The following UNC80 variants were observed in gnomAD, a reference collection of about 807,000 sequenced individuals.
UNC80 encodes protein unc-80 homolog.
A neutral mutation model predicts 384.6 loss-of-function variants in UNC80; 164 were observed. The observed-to-expected ratio is 0.43, with a 90% CI of 0.38 to 0.49. The LOEUF (loss-of-function observed/expected upper bound fraction) is 0.49, where lower values mean the gene tolerates loss of function less well. UNC80 is among the 20% of genes least tolerant of loss of function. UNC80 has a pLI of 0.00. For missense variants in UNC80, 3,330 were observed against 4,143.0 expected, an observed-to-expected ratio of 0.80 and a Z score of 5.39; for synonymous variants, 1,486 against 1,527.8, an observed-to-expected ratio of 0.97 and a Z score of 0.64.
At chr2:209,795,262 G>A (rs986602711) in intron 7 of UNC80, 2 of 154,348 alleles carry the variant, frequency 1.3e-5, no homozygotes, top group African/African-American at 4.8e-5. Flanking sequence ...GAACTTGAGA[G>A]AGATGATTTA....
At chr2:209,929,111 G>A (rs1229592797) in intron 36 of UNC80, among the ~76,000 whole-genome samples, 1 of 152,026 alleles carries the variant, frequency 6.6e-6, no homozygotes, top group Non-Finnish European at 1.5e-5. Flanking sequence ...GCTTGTTTCT[G>A]AATCAAAATT....
At chr2:209,944,589 C>T (rs2091820600) in intron 45 of UNC80, among the ~76,000 whole-genome samples, 1 of 152,046 alleles carries the variant, frequency 6.6e-6, no homozygotes, top group African/African-American at 2.4e-5. Flanking sequence ...TTATTTAAAG[C>T]CATTTTAAAT....
chr2:209,928,489 C>T (rs757472410), intron 36 of UNC80, among the ~76,000 whole-genome samples: 1 of 152,002 alleles, frequency 6.6e-6, no homozygotes, highest in African/African-American at 2.4e-5. Context: ...ATGTTTTAAG[C>T]ATGAAACTGC....
At chr2:209,922,483 A>G in intron 35 of UNC80, 100 bp downstream of exon 35, 1 of 1,298,426 alleles carries the variant, frequency 7.7e-7, no homozygotes, top group South Asian at 2.1e-5. Context: ...GTCTTCATTA[A>G]ATAACTTGTC....
At chr2:209,899,282 G>A (rs1173408426) in intron 28 of UNC80, among the ~76,000 whole-genome samples, 4 of 152,152 alleles carry the variant, frequency 2.6e-5, no homozygotes, top group Non-Finnish European at 4.4e-5. Context: ...ACAAAGCAAA[G>A]CGTGGACCCT....
In UNC80 at chr2:209,826,064, TA is replaced by T; in HGVS notation, c.2478+14del. 1 of 1,544,332 alleles carries T rather than the reference TA, an allele frequency of 6.5e-7. No homozygotes were observed. Among genetic ancestry groups the T allele is most frequent in the South Asian group, 1.2e-5 (1 of 82,440 alleles). On this transcript the variant is annotated intron_variant, in intron 14 of 64. Transcript: ENST00000673920. ...GTATTCCGAGAGAATGTAAGAGAAT[TA>T]AAGTAGATTCCATTTCCTCTCCCTC...
At chr2:209,970,706 G>T (rs1322320335) in intron 53 of UNC80, 126 bp from the exon 54 acceptor site, 1 of 1,231,366 alleles carries the variant, frequency 8.1e-7, no homozygotes, top group African/African-American at 1.5e-5. Context: ...AGAAAGAAAA[G>T]ATTGAAAGTA....
At chr2:209,893,935 A>T (rs1207318266) in intron 26 of UNC80, among the ~76,000 whole-genome samples, 2 of 152,178 alleles carry the variant, frequency 1.3e-5, no homozygotes, top group African/African-American at 2.4e-5. Flanking sequence ...GGCCAGAAAG[A>T]GAGCAGGTTG....
chr2:209,914,602 C>G (rs1475746165), intron 31 of UNC80, among the ~76,000 whole-genome samples: 13 of 140,220 alleles, frequency 9.3e-5, no homozygotes, highest in Non-Finnish European at 2.0e-4. Flanking sequence ...ATTCCTTTCC[C>G]CAGAGGCAAC....
intron 22 of UNC80, among the ~76,000 whole-genome samples, chr2:209,854,613 A>G (rs183756680): frequency 2.4e-4 from 36 of 152,180 alleles, no homozygotes; most frequent in African/African-American, 8.7e-4. Flanking sequence ...ACAAGAAAAA[A>G]AACATTAAAA....
At position 209,772,313 on chromosome 2, in the gene UNC80, G is replaced by C. The variant is rs955369086; in HGVS notation, c.92+149G>C. ...GCTGGAAAACAAGCCCTCTGCACCA[G>C]CTTAAAAACACGCATTAAAATATGT... On this transcript the variant is annotated intron_variant, in intron 1 of 64. Transcript: ENST00000673920. The C allele has an allele frequency of 4.5e-4, 139 of 309,718 alleles. 1 individual carries two copies. The highest frequency in any genetic ancestry group is 2.9e-3 in the African/African-American group (132 of 45,044). 19.2% of individuals were successfully genotyped at this position (309,718 alleles called of 1,614,324 possible). A position where few individuals can be genotyped will look rare whatever the true frequency, so the allele number is the denominator to read the frequency against.
Position 209,936,876 on chromosome 2 carries a change from C to T in UNC80, c.6306C>T (p.Ser2102=). ...ECLEFFNIPE[S]QSTHYFLMDK... is the part of the protein sequence containing the mutation. ...TGGAGTTTTTTAATATCCCAGAATC[C>T]CAGTCAACACATTATTTTCTTATGG... Residue 2102 remains serine, a synonymous_variant, in exon 41 of 65, where the codon TCC becomes TCT. Transcript: ENST00000673920. 1.3e-6 allele frequency: 2 copies of T among 1,550,732 alleles called. No homozygotes were observed. Among genetic ancestry groups the T allele is most frequent in the Non-Finnish European group, 1.7e-6 (2 of 1,146,324 alleles).
intron 22 of UNC80, among the ~76,000 whole-genome samples, chr2:209,866,668 A>G (rs945181459): frequency 2.0e-5 from 3 of 152,166 alleles, no homozygotes; most frequent in African/African-American, 7.2e-5. Flanking sequence ...TAGTCTATCC[A>G]TTGAGTTTTA....
chr2:209,878,793 G>A lies in UNC80; in HGVS notation c.3976+704G>A, dbSNP rs531954290. 3.9e-5 allele frequency among the ~76,000 whole-genome samples: 6 copies of A among 152,236 alleles called. 1 individual carries two copies. Among genetic ancestry groups the A allele is most frequent in the African/African-American group, 1.4e-4 (6 of 41,544 alleles). On this transcript the variant is annotated intron_variant, in intron 24 of 64. Coordinates refer to ENST00000673920, the MANE Select transcript of UNC80 (RefSeq NM_001371986.1). ...TATGGAATACAAAATTCCAGTTATA[G>A]TTATGGAATTCGTATCTTTATATGA...
intron 21 of UNC80, among the ~76,000 whole-genome samples, chr2:209,846,682 A>C (rs1473649021): frequency 6.6e-6 from 1 of 152,156 alleles, no homozygotes; most frequent in Non-Finnish European, 1.5e-5. Context: ...CTCAACATAA[A>C]AAATAAATAT....
chr2:209,993,242 TATAA>T (rs1436006562), intron 62 of UNC80, 69 bp from the exon 63 acceptor site: 2 of 1,158,742 alleles, frequency 1.7e-6, no homozygotes, highest in Non-Finnish European at 2.5e-6. Context: ...CACAGAAACA[TATAA>T]ATAAAGAAAC....
intron 26 of UNC80, among the ~76,000 whole-genome samples, chr2:209,892,002 G>A (rs1045668209): frequency 2.2e-4 from 33 of 152,148 alleles, no homozygotes; most frequent in Non-Finnish European, 4.3e-4. Flanking sequence ...GTAGGAGATG[G>A]GTTGGAAATG....
intron 29 of UNC80, among the ~76,000 whole-genome samples, chr2:209,911,403 C>G (rs2124940010): frequency 6.6e-6 from 1 of 152,216 alleles, no homozygotes; most frequent in East Asian, 1.9e-4. Context: ...ACATATGCAC[C>G]TCCATGATTT....
chr2:209,771,892 A>C lies in UNC80; in HGVS notation c.-181A>C. 14 of 591,308 alleles carry C rather than the reference A, an allele frequency of 2.4e-5. No homozygotes were observed. The highest frequency in any genetic ancestry group is 4.7e-4 in the Middle Eastern group (1 of 2,148). 36.6% of individuals were successfully genotyped at this position (591,308 alleles called of 1,614,324 possible). A position where few individuals can be genotyped will look rare whatever the true frequency, so the allele number is the denominator to read the frequency against. On this transcript the variant is annotated 5_prime_UTR_variant, in exon 1 of 65. An upstream start codon of the reference 5' UTR is lost. Coordinates refer to ENST00000673920, the MANE Select transcript of UNC80 (RefSeq NM_001371986.1). ...CCAGCCCTCCCCTCCTCCCGCAGCC[A>C]TGTTCCACGCGCGGGGAGGGGTGGG... is the stretch of plus-strand genomic sequence containing the variant.
Sources: allele counts gnomAD v4.1 joint callset (sites outside exome capture counted in the v4.1 genomes callset), GRCh38; gene constraint gnomAD v4.1.1; transcripts MANE v1.5; gene names NCBI Gene and HGNC (gene_info 2026-07-23, HGNC 2026-07-21).